BTBD9: variants seen among roughly 807,000 people sequenced by gnomAD.
BTBD9 encodes the protein BTB domain containing 9.
Under a neutral mutation model 64.3 loss-of-function variants are expected in BTBD9, and 49 were observed. The ratio of observed to expected loss-of-function variants is 0.76; its 90% CI spans 0.61 to 0.97. The LOEUF is 0.97. Ranked by LOEUF, BTBD9 falls within the 50% of genes least tolerant of loss-of-function variation. The pLI, the probability that BTBD9 is intolerant of heterozygous loss-of-function variation, is 0.00. For missense variants in BTBD9, 598 were observed against 762.1 expected (o/e 0.78, Z 2.53); for synonymous variants, 260 against 274.7 (o/e 0.95, Z 0.53).
At chr6:38,402,676 A>G (rs769859949) in intron 6 of BTBD9, 2 of 596,352 alleles carry the variant, frequency 3.4e-6, no homozygotes, top group Non-Finnish European at 3.0e-6. Context: ...AAAATGGATC[A>G]AAGACCTAAA....
chr6:38,316,441 C>G (rs1470449319), intron 7 of BTBD9, among the ~76,000 whole-genome samples: 3 of 151,992 alleles, frequency 2.0e-5, no homozygotes, highest in Non-Finnish European at 2.9e-5. Context: ...ATTTCTTGCT[C>G]TTTATTTTTT....
intron 6 of BTBD9, among the ~76,000 whole-genome samples, chr6:38,536,255 C>T (rs1213682354): frequency 6.6e-6 from 1 of 152,064 alleles, no homozygotes; most frequent in Non-Finnish European, 1.5e-5. Context: ...CAGAAAAATG[C>T]CATTCAAAAC....
rs1761711605 is a variant in BTBD9 at position 38,184,186 on chromosome 6, T to A, written c.1641+8333A>T. Among the ~76,000 whole-genome samples the A allele has an allele frequency of 6.6e-6, 1 of 152,150 alleles. No individual in the cohort carries two copies. The highest frequency in any genetic ancestry group is 6.5e-5 in the Admixed American group (1 of 15,274). On this transcript the variant is annotated intron_variant, in intron 10 of 10. Transcript: ENST00000481247. The surrounding 1 kb of genome is among the most constrained non-coding windows in gnomAD (Gnocchi z 4.4). ...TCGTGGTATCCCGTTGGGTTCAGGA[T>A]GAACAAGGCTGCGGTGACAGCATCC...
Position 38,266,883 on chromosome 6 carries a change from C to T in BTBD9, c.1455-10367G>A, listed in dbSNP as rs182974289. ...TATGATATTTTAAAAGGTGAAGTCACAATATGTTACAGACCTTTTGGGCAG... is the reference window on the plus strand; with the variant it reads ...TATGATATTTTAAAAGGTGAAGTCATAATATGTTACAGACCTTTTGGGCAG... On this transcript the variant is annotated intron_variant, in intron 8 of 10. Coordinates refer to ENST00000481247, the MANE Select transcript of BTBD9 (RefSeq NM_001099272.2). Among the ~76,000 whole-genome samples, 247 of 152,294 alleles carry T rather than the reference C, an allele frequency of 1.6e-3. 1 individual carries two copies. Among genetic ancestry groups the T allele is most frequent in the African/African-American group, 5.6e-3 (234 of 41,554 alleles).
chr6:38,590,018 A>T (rs1776723799), intron 4 of BTBD9, among the ~76,000 whole-genome samples: 1 of 152,168 alleles, frequency 6.6e-6, no homozygotes, highest in Non-Finnish European at 1.5e-5. Flanking sequence ...GACTGGTCCT[A>T]AAGAGTAATG....
chr6:38,186,964 C>T (rs568673701), intron 10 of BTBD9, among the ~76,000 whole-genome samples: 13 of 152,182 alleles, frequency 8.5e-5, no homozygotes, highest in Non-Finnish European at 1.8e-4. Flanking sequence ...TAAAAAGAAA[C>T]AGGCGTAGCT....
At chr6:38,532,235 A>G (rs1773831535) in intron 6 of BTBD9, among the ~76,000 whole-genome samples, 1 of 152,184 alleles carries the variant, frequency 6.6e-6, no homozygotes, top group Admixed American at 6.5e-5. Flanking sequence ...CAACAGCAGG[A>G]GCATTTAGAC....
At chr6:38,498,680 A>G (rs978150857) in intron 6 of BTBD9, among the ~76,000 whole-genome samples, 1 of 152,118 alleles carries the variant, frequency 6.6e-6, no homozygotes, top group African/African-American at 2.4e-5. Context: ...CACACCATCC[A>G]ATTTCAAAAT....
At chr6:38,472,912 A>G (rs1407923143) in intron 6 of BTBD9, among the ~76,000 whole-genome samples, 2 of 152,258 alleles carry the variant, frequency 1.3e-5, no homozygotes, top group Admixed American at 6.5e-5. Flanking sequence ...GCAAAATACC[A>G]AGATTTTAAA....
intron 6 of BTBD9, among the ~76,000 whole-genome samples, chr6:38,360,347 A>G (rs950755699): frequency 6.6e-6 from 1 of 152,188 alleles, no homozygotes; most frequent in Non-Finnish European, 1.5e-5. Flanking sequence ...TTAAATAAAT[A>G]GATCATAATT....
At chr6:38,176,786 C>T (rs534914209) in intron 10 of BTBD9, among the ~76,000 whole-genome samples, 1 of 152,280 alleles carries the variant, frequency 6.6e-6, no homozygotes, top group East Asian at 1.9e-4. Flanking sequence ...TCATCAGCTT[C>T]ACAATCTTGC....
At chr6:38,580,118 A>T in intron 5 of BTBD9, 100 bp downstream of exon 5, 1 of 1,139,792 alleles carries the variant, frequency 8.8e-7, no homozygotes, top group Non-Finnish European at 1.2e-6. Context: ...GAATGATCAC[A>T]AAGAAATAAA....
intron 9 of BTBD9, among the ~76,000 whole-genome samples, chr6:38,234,830 G>GTAA (rs1488928768): frequency 6.6e-6 from 1 of 152,230 alleles, no homozygotes; most frequent in Non-Finnish European, 1.5e-5. Flanking sequence ...CTCATGTACA[G>GTAA]ATAATGCTGC....
intron 9 of BTBD9, among the ~76,000 whole-genome samples, chr6:38,229,194 CAAA>C (rs34749418): frequency 8.7e-6 from 1 of 114,552 alleles, no homozygotes. Context: ...AAGACTCTGT[CAAA>C]AAAAAAAAAA....
chr6:38,241,367 G>A (rs748397668), intron 9 of BTBD9, among the ~76,000 whole-genome samples: 6 of 152,148 alleles, frequency 3.9e-5, no homozygotes, highest in Admixed American at 1.3e-4. Flanking sequence ...GGAAAACCAC[G>A]AACTCTCTGG....
intron 6 of BTBD9, among the ~76,000 whole-genome samples, chr6:38,540,913 T>C (rs1420083429): frequency 2.6e-5 from 4 of 152,222 alleles, no homozygotes; most frequent in Admixed American, 2.0e-4. Flanking sequence ...CTGCGTTCTA[T>C]GATGTTACAT....
At chr6:38,245,789 A>T (rs1301638503) in intron 9 of BTBD9, among the ~76,000 whole-genome samples, 1 of 152,224 alleles carries the variant, frequency 6.6e-6, no homozygotes, top group Non-Finnish European at 1.5e-5. Context: ...TTTATTTTTA[A>T]TCATTTGGAA....
chr6:38,441,816 T>G (rs1769047411), intron 6 of BTBD9, among the ~76,000 whole-genome samples: 1 of 152,194 alleles, frequency 6.6e-6, no homozygotes, highest in Admixed American at 6.5e-5. Flanking sequence ...ACCTCATTAT[T>G]CCTGACAACA....
At chr6:38,332,364 A>G (rs228181) in intron 7 of BTBD9, among the ~76,000 whole-genome samples, 40,835 of 152,156 alleles carry the variant, frequency 0.27, 6,494 homozygotes, top group East Asian at 0.46. Flanking sequence ...AATTTCATGT[A>G]ACTGTTTGCA....
Sources: allele counts gnomAD v4.1 joint callset (sites outside exome capture counted in the v4.1 genomes callset), GRCh38; gene constraint gnomAD v4.1.1; non-coding constraint Gnocchi (gnomAD v3.1); transcripts MANE v1.5; gene names NCBI Gene and HGNC (gene_info 2026-07-23, HGNC 2026-07-21).